Variants in DEK observed in about 807,000 individuals in gnomAD.
The protein encoded by DEK is DEK proto-oncogene.
A neutral mutation model predicts 46.8 loss-of-function variants in DEK; 28 were observed. That is an observed-to-expected ratio of 0.60 (90% CI 0.44 to 0.82). The LOEUF (loss-of-function observed/expected upper bound fraction) is 0.82. Among genes scored for constraint, DEK ranks in the 40% least tolerant of loss-of-function variants. The probability of loss-of-function intolerance (pLI) is 0.00; values close to 1 mark genes in which losing one functional copy is unlikely to be tolerated. For synonymous variants in DEK, 160 were observed against 144.5 expected, an observed-to-expected ratio of 1.11 and a Z score of -0.77; for missense variants, 416 against 430.6, an observed-to-expected ratio of 0.97 and a Z score of 0.30.
rs201850985 is a variant in DEK at position 18,261,286 on chromosome 6, T to TTG, written c.145+2555_145+2556dup. On this transcript the variant is annotated intron_variant, in intron 2 of 10. Coordinates refer to ENST00000652689, the MANE Select transcript of DEK (RefSeq NM_003472.4). ...AAGACTGCCCTGCTAGGATTCAGACTTGTAGGCCGGGCGCAGTGGCTTACG... is the reference window on the plus strand; with the variant it reads ...AAGACTGCCCTGCTAGGATTCAGACTTGTGTAGGCCGGGCGCAGTGGCTTACG... Among the ~76,000 whole-genome samples, 75 of 152,260 alleles carry TTG rather than the reference T, an allele frequency of 4.9e-4. 1 individual carries two copies. In the East Asian group the frequency reaches 0.012, roughly 25 times the overall value.
intron 9 of DEK, among the ~76,000 whole-genome samples, chr6:18,236,127 TTAAAC>T (rs1790636505): frequency 6.6e-6 from 1 of 152,210 alleles, no homozygotes; most frequent in African/African-American, 2.4e-5. Context: ...TTCTGCTTCT[TTAAAC>T]TAACATAAAC....
intron 6 of DEK, among the ~76,000 whole-genome samples, chr6:18,250,811 A>G (rs1791347128): frequency 6.6e-6 from 1 of 152,028 alleles, no homozygotes; most frequent in Admixed American, 6.6e-5. Flanking sequence ...AAAAATGTAT[A>G]ACTTTATTAC....
chr6:18,234,477 G>A (rs553934917), intron 9 of DEK, among the ~76,000 whole-genome samples: 1 of 152,212 alleles, frequency 6.6e-6, no homozygotes, highest in South Asian at 2.1e-4. Context: ...ACTTTGAAGA[G>A]ACTGGTCTCA....
chr6:18,237,433 A>C lies in DEK; in HGVS notation c.846T>G (p.Val282=), dbSNP rs775504720. 1 of 1,611,028 alleles carries C rather than the reference A, an allele frequency of 6.2e-7. No homozygotes were observed. Among genetic ancestry groups the C allele is most frequent in the Non-Finnish European group, 8.5e-7 (1 of 1,179,404 alleles). Residue 282 remains valine (V), a synonymous_variant, in exon 8 of 11, where the codon GTT becomes GTG. Transcript: ENST00000652689. ...KSKKSVKSAN[V]KKADSSTTKK... Reference sequence around the variant, plus strand: ...TGGTGGTGCTGCTATCTGCTTTCTTAACATTGGCACTTTTCACAGATTTTT... The same window carrying C: ...TGGTGGTGCTGCTATCTGCTTTCTTCACATTGGCACTTTTCACAGATTTTT...
At chr6:18,252,892 A>G (rs1348835499) in intron 6 of DEK, among the ~76,000 whole-genome samples, 2 of 152,228 alleles carry the variant, frequency 1.3e-5, no homozygotes, top group African/African-American at 4.8e-5. Flanking sequence ...GAAACAAACA[A>G]GGCAAATGGT....
At chr6:18,254,026 A>G (rs2151091563) in intron 6 of DEK, among the ~76,000 whole-genome samples, 1 of 152,204 alleles carries the variant, frequency 6.6e-6, no homozygotes, top group Admixed American at 6.5e-5. Context: ...AAACAAAACA[A>G]TACATTGCAA....
intron 5 of DEK, 43 bp from the exon 6 acceptor site, chr6:18,255,894 A>G (rs941111121): frequency 6.4e-7 from 1 of 1,573,286 alleles, no homozygotes; most frequent in Non-Finnish European, 8.6e-7. Context: ...AATATAGGAA[A>G]GCTTACATAT....
chr6:18,249,929 C>A lies in DEK; in HGVS notation c.574-90G>T, dbSNP rs574777664. ...AAACTTATCAACTCAATTTCTTATT[C>A]CTCTCTCAAGAAATTGTATTTACAA... On this transcript the variant is annotated intron_variant, in intron 6 of 10. Transcript: ENST00000652689. The A allele has an allele frequency of 1.7e-5, 24 of 1,448,176 alleles. 1 individual carries two copies. The South Asian group carries it at 3.2e-4, about 19-fold the overall frequency. 89.7% of individuals were successfully genotyped at this position (1,448,176 alleles called of 1,614,324 possible). A position where few individuals can be genotyped will look rare whatever the true frequency, so the allele number is the denominator to read the frequency against.
intron 9 of DEK, among the ~76,000 whole-genome samples, chr6:18,231,240 G>A (rs892429589): frequency 8.5e-5 from 13 of 152,254 alleles, no homozygotes; most frequent in Non-Finnish European, 1.9e-4. Context: ...GAAATTTATA[G>A]CACTAAATGC....
chr6:18,225,517 T>C lies in DEK; in HGVS notation c.*202A>G, dbSNP rs551591861. On this transcript the variant is annotated 3_prime_UTR_variant, in exon 11 of 11. Transcript: ENST00000652689. Reference sequence around the variant, plus strand: ...GAACAATTAATGCCATGCAAGATTTTAAACTAAAAATGGCATAGAAATGCA... The same window carrying C: ...GAACAATTAATGCCATGCAAGATTTCAAACTAAAAATGGCATAGAAATGCA... 4 of 501,712 alleles carry C rather than the reference T, an allele frequency of 8.0e-6. No individual in the cohort carries two copies. Among genetic ancestry groups the C allele is most frequent in the African/African-American group, 7.9e-5 (4 of 50,788 alleles). 31.1% of individuals were successfully genotyped at this position (501,712 alleles called of 1,614,324 possible). A position where few individuals can be genotyped will look rare whatever the true frequency, so the allele number is the denominator to read the frequency against.
intron 9 of DEK, among the ~76,000 whole-genome samples, chr6:18,227,618 G>C (rs923169295): frequency 2.0e-5 from 3 of 151,942 alleles, no homozygotes; most frequent in Admixed American, 6.6e-5. Context: ...TCTATACTTT[G>C]TGTCTTTTTC....
chr6:18,254,625 T>A (rs1030350692), intron 6 of DEK, among the ~76,000 whole-genome samples: 1 of 152,168 alleles, frequency 6.6e-6, no homozygotes, highest in Non-Finnish European at 1.5e-5. Flanking sequence ...AACAGTATCC[T>A]GAAACCAATA....
chr6:18,227,434 C>T lies in DEK; in HGVS notation c.1048-1192G>A, dbSNP rs940506583. On this transcript the variant is annotated intron_variant, in intron 9 of 10. Coordinates refer to ENST00000652689, the MANE Select transcript of DEK (RefSeq NM_003472.4). ...CTTTACCTTGACTATGATGCAGAGA[C>T]CTTTGTTCACATGTTTATCTGCTGA... Among the ~76,000 whole-genome samples, 4 of 151,950 alleles carry T rather than the reference C, an allele frequency of 2.6e-5. No homozygotes were observed. The South Asian group carries it at 8.3e-4, about 32-fold the overall frequency.
At chr6:18,226,049 T>G (rs1317117467) in intron 10 of DEK, 125 bp downstream of exon 10, 11 of 907,208 alleles carry the variant, frequency 1.2e-5, no homozygotes, top group Non-Finnish European at 1.7e-5. Context: ...TTCCCTATTA[T>G]GAAGAAATGT....
intron 9 of DEK, among the ~76,000 whole-genome samples, chr6:18,233,822 T>C (rs1348717223): frequency 2.0e-5 from 3 of 152,126 alleles, no homozygotes; most frequent in Non-Finnish European, 2.9e-5. Flanking sequence ...GAAATACCAT[T>C]TGACCCAGCC....
intron 7 of DEK, among the ~76,000 whole-genome samples, chr6:18,238,813 G>A (rs910957871): frequency 2.0e-5 from 3 of 151,984 alleles, no homozygotes; most frequent in Non-Finnish European, 4.4e-5. Flanking sequence ...AACATTCCAA[G>A]ATATTTTAAA....
chr6:18,255,914 A>G (rs1791573908), intron 5 of DEK, 63 bp from the exon 6 acceptor site: 1 of 1,531,458 alleles, frequency 6.5e-7, no homozygotes, highest in Admixed American at 2.3e-5. Context: ...TGTTCTCCAC[A>G]ATATAAAGGG....
rs542455658 is a variant in DEK at position 18,264,240 on chromosome 6, G to A, written c.-10+145C>T. 1.2e-4 allele frequency: 33 copies of A among 286,730 alleles called. No individual in the cohort carries two copies. The East Asian group carries it at 2.0e-3, about 17-fold the overall frequency. 17.8% of individuals were successfully genotyped at this position (286,730 alleles called of 1,614,324 possible). A position where few individuals can be genotyped will look rare whatever the true frequency, so the allele number is the denominator to read the frequency against. ...CCCCGCGTGCGCGCGCGCCCGCCCG[G>A]CCTGCGCTGTTCCCGGCCCGGCCCG... On this transcript the variant is annotated intron_variant, in intron 1 of 10. Coordinates refer to ENST00000652689, the MANE Select transcript of DEK (RefSeq NM_003472.4).
intron 7 of DEK, chr6:18,244,702 G>A: frequency 2.1e-6 from 1 of 471,050 alleles, no homozygotes; most frequent in South Asian, 2.0e-5. Flanking sequence ...GAAAGAATGT[G>A]CAAGTCTAGT....
Sources: allele counts gnomAD v4.1 joint callset (sites outside exome capture counted in the v4.1 genomes callset), GRCh38; gene constraint gnomAD v4.1.1; transcripts MANE v1.5; gene names NCBI Gene and HGNC (gene_info 2026-07-23, HGNC 2026-07-21).